PRELID2: variants seen among roughly 807,000 people sequenced by gnomAD.
The protein encoded by PRELID2 is PRELI domain-containing protein 2.
PRELID2 carries 25 observed loss-of-function variants against 28.4 expected under a neutral mutation model. That is an observed-to-expected ratio of 0.88 (90% confidence interval 0.64 to 1.23). PRELID2 has a LOEUF of 1.23. PRELID2 is among the 50% of genes most tolerant of loss of function. The pLI is 0.00. For synonymous variants in PRELID2, 76 were observed against 71.6 expected (o/e 1.06, Z -0.31); for missense variants, 201 against 214.4 (o/e 0.94, Z 0.39).
chr5:145,791,131 A>G (rs1219647161), intron 5 of PRELID2, among the ~76,000 whole-genome samples: 1 of 152,110 alleles, frequency 6.6e-6, no homozygotes, highest in Non-Finnish European at 1.5e-5. Flanking sequence ...AGGCCTCACA[A>G]TCATGGCAGA....
the PRELID2 span, among the ~76,000 whole-genome samples, chr5:145,314,473 C>T: frequency 6.6e-6 from 1 of 152,032 alleles, no homozygotes; most frequent in South Asian, 2.1e-4. Flanking sequence ...TTTAGAAATA[C>T]AGTGCTATAA....
chr5:145,310,656 A>T, the PRELID2 span, among the ~76,000 whole-genome samples: 1 of 152,188 alleles, frequency 6.6e-6, no homozygotes, highest in Non-Finnish European at 1.5e-5. Context: ...CTTCACCCAA[A>T]GGTTAATTCA....
Position 145,655,698 on chromosome 5 carries a change from T to C in PRELID2, n.70+109233A>G, listed in dbSNP as rs148231368. Among the ~76,000 whole-genome samples, 884 of 152,296 alleles carry C rather than the reference T, an allele frequency of 5.8e-3. 11 individuals carry two copies. The highest frequency in any genetic ancestry group is 0.02 in the African/African-American group (818 of 41,552). ...GTGCTGGGAAAACTGGCAAGCCATATGTAGAAAGCTGATGCTAGATCCCTT... is the reference window on the plus strand; with the variant it reads ...GTGCTGGGAAAACTGGCAAGCCATACGTAGAAAGCTGATGCTAGATCCCTT... On this transcript the variant is annotated intron_variant and non_coding_transcript_variant, in intron 1 of 2. Transcript: ENST00000510259.
intron 1 of PRELID2, among the ~76,000 whole-genome samples, chr5:145,726,259 C>T (rs1359538055): frequency 7.6e-5 from 7 of 92,620 alleles, no homozygotes; most frequent in South Asian, 7.4e-4. Context: ...GAGGGAGGGA[C>T]GGAGGGGGAA....
the PRELID2 span, among the ~76,000 whole-genome samples, chr5:145,354,654 A>T: frequency 6.6e-6 from 1 of 152,152 alleles, no homozygotes; most frequent in Non-Finnish European, 1.5e-5. Flanking sequence ...AAACCCCAAC[A>T]ATAATAAAAC....
the PRELID2 span, among the ~76,000 whole-genome samples, chr5:145,356,649 G>T: frequency 1.3e-5 from 2 of 151,704 alleles, no homozygotes; most frequent in Non-Finnish European, 2.9e-5. Context: ...CTTACTTTGA[G>T]CCTATGGGTA....
intron 1 of PRELID2, among the ~76,000 whole-genome samples, chr5:145,654,266 C>T (rs1475829116): frequency 6.6e-6 from 1 of 152,066 alleles, no homozygotes; most frequent in East Asian, 1.9e-4. Context: ...GATAGCTTAC[C>T]AGCCAAAAAA....
chr5:145,389,608 A>C, the PRELID2 span, among the ~76,000 whole-genome samples: 1 of 152,208 alleles, frequency 6.6e-6, no homozygotes, highest in Non-Finnish European at 1.5e-5. Flanking sequence ...AAAATACAGT[A>C]TACATCTCAC....
In PRELID2 at chr5:145,826,149, G is replaced by C. The variant is rs1755177680; in HGVS notation, c.76-3015C>G. 1.0e-5 allele frequency: 10 copies of C among 985,314 alleles called. No homozygotes were observed. The South Asian group carries it at 4.7e-4, about 46-fold the overall frequency. 61.0% of individuals were successfully genotyped at this position (985,314 alleles called of 1,614,324 possible). ...TGTGTTCACGCAGGGTGCTATCCTA[G>C]AGAAGCTGCCATGCGCATGATCTCA... On this transcript the variant is annotated intron_variant, in intron 1 of 6. Coordinates refer to ENST00000683046, the MANE Select transcript of PRELID2 (RefSeq NM_205846.3).
chr5:145,464,647 T>A, the PRELID2 span, among the ~76,000 whole-genome samples: 1 of 152,152 alleles, frequency 6.6e-6, no homozygotes. Flanking sequence ...TATGGATGTA[T>A]TTGGACATGT....
intron 5 of PRELID2, among the ~76,000 whole-genome samples, chr5:145,790,295 A>G (rs377173660): frequency 6.6e-6 from 1 of 152,192 alleles, no homozygotes; most frequent in Non-Finnish European, 1.5e-5. Flanking sequence ...TATAGTACAC[A>G]GTGGAGTACT....
At chr5:145,595,580 T>C (rs1049042213) in intron 1 of PRELID2, among the ~76,000 whole-genome samples, 1 of 152,192 alleles carries the variant, frequency 6.6e-6, no homozygotes, top group Non-Finnish European at 1.5e-5. Flanking sequence ...GTGTATGCCA[T>C]ACCCTGGTCG....
At chr5:145,702,735 C>T (rs2149704037) in intron 1 of PRELID2, among the ~76,000 whole-genome samples, 1 of 152,152 alleles carries the variant, frequency 6.6e-6, no homozygotes, top group South Asian at 2.1e-4. Context: ...TGCTTCTAAA[C>T]CAAGAAGCAC....
intron 1 of PRELID2, among the ~76,000 whole-genome samples, chr5:145,719,326 G>A (rs1006249512): frequency 6.6e-6 from 1 of 151,910 alleles, no homozygotes; most frequent in Non-Finnish European, 1.5e-5. Flanking sequence ...TTTAAGATGT[G>A]TAGGACTCAA....
At chr5:145,370,362 C>T in the PRELID2 span, among the ~76,000 whole-genome samples, 1 of 151,994 alleles carries the variant, frequency 6.6e-6, no homozygotes, top group Admixed American at 6.6e-5. Context: ...TTTCCCAGCA[C>T]CATTTATTGA....
chr5:145,791,036 C>T (rs1236979261), intron 5 of PRELID2, among the ~76,000 whole-genome samples: 1 of 151,910 alleles, frequency 6.6e-6, no homozygotes, highest in African/African-American at 2.4e-5. Context: ...TGTCTGTTTT[C>T]ACACTGCTAA....
At chr5:145,362,482 C>T in the PRELID2 span, among the ~76,000 whole-genome samples, 1 of 152,096 alleles carries the variant, frequency 6.6e-6, no homozygotes, top group Non-Finnish European at 1.5e-5. Context: ...TCCTGAATTC[C>T]TTAAAGCAAG....
chr5:145,807,527 T>C (rs772265222), intron 4 of PRELID2, among the ~76,000 whole-genome samples: 3 of 151,948 alleles, frequency 2.0e-5, no homozygotes, highest in Non-Finnish European at 2.9e-5. Context: ...CAGGCCAGCT[T>C]TATCCCTTTT....
chr5:145,542,749 ATTTC>A (rs5871930), intron 1 of PRELID2, among the ~76,000 whole-genome samples: 1,568 of 145,288 alleles, frequency 0.011, 16 homozygotes, highest in South Asian at 0.027. Flanking sequence ...ATACATTGTA[ATTTC>A]TTTCTTTCTT....
Sources: allele counts gnomAD v4.1 joint callset (sites outside exome capture counted in the v4.1 genomes callset), GRCh38; gene constraint gnomAD v4.1.1; transcripts MANE v1.5; gene names NCBI Gene and HGNC (gene_info 2026-07-23, HGNC 2026-07-21).